The following NOTCH4 variants were observed in gnomAD, a reference collection of about 807,000 sequenced individuals.
NOTCH4 encodes neurogenic locus notch homolog protein 4.
A neutral mutation model predicts 189.0 loss-of-function variants in NOTCH4; 138 were observed. The ratio of observed to expected loss-of-function variants is 0.73; its 90% CI spans 0.64 to 0.84. The LOEUF (loss-of-function observed/expected upper bound fraction) is 0.84, where lower values mean the gene tolerates loss of function less well. NOTCH4 is among the 40% of genes least tolerant of loss of function. NOTCH4 has a pLI of 0.00. For missense variants in NOTCH4, 2,286 were observed against 2,605.4 expected (o/e 0.88, Z 2.67); for synonymous variants, 942 against 1,032.8 (o/e 0.91, Z 1.69).
rs1788283216 is a variant in NOTCH4 at position 32,200,719 on chromosome 6, A to C, written c.4315+112T>G. ...GGGTTAGGGAAAGTAAGTCCCCACAAAGAACATTTTCAGTCTCAGCTGTCC... is the reference window on the plus strand; with the variant it reads ...GGGTTAGGGAAAGTAAGTCCCCACACAGAACATTTTCAGTCTCAGCTGTCC... On this transcript the variant is annotated intron_variant, in intron 23 of 29. Coordinates refer to ENST00000375023, the MANE Select transcript of NOTCH4 (RefSeq NM_004557.4). This position sits in a 1 kb window ranked among gnomAD's most constrained non-coding sequence, Gnocchi z 5.0. The C allele has an allele frequency of 1.1e-6, 1 of 909,828 alleles. No individual in the cohort carries two copies. Among genetic ancestry groups the C allele is most frequent in the African/African-American group, 1.7e-5 (1 of 58,188 alleles). The allele number at this position is 909,828 out of a possible 1,614,324, so 56.4% of individuals were successfully genotyped here. A position where few individuals can be genotyped will look rare whatever the true frequency, so the allele number is the denominator to read the frequency against.
In NOTCH4 at chr6:32,217,419, A is replaced by G. The variant is rs1789485106; in HGVS notation, c.1625-153T>C. ...CGTGGGGTGACAGGAGATGATGCAG[A>G]AAAGGTGAAGCTCAGCCACCTGCCA... On this transcript the variant is annotated intron_variant, in intron 9 of 29. Transcript: ENST00000375023. The surrounding 1 kb of genome is among the most constrained non-coding windows in gnomAD (Gnocchi z 4.2). Among the ~76,000 whole-genome samples the G allele has an allele frequency of 1.3e-5, 2 of 152,172 alleles. No homozygotes were observed. The highest frequency in any genetic ancestry group is 4.8e-5 in the African/African-American group (2 of 41,438).
rs1294535507 is a variant in NOTCH4, at chr6:32,198,735, A to G, written c.4536-5T>C. 6.2e-7 allele frequency: 1 copy of G among 1,608,828 alleles called. No individual in the cohort carries two copies. The highest frequency in any genetic ancestry group is 1.7e-5 in the Admixed American group (1 of 59,394). On this transcript the variant is annotated splice_polypyrimidine_tract_variant and splice_region_variant and intron_variant, in intron 24 of 29. Transcript: ENST00000375023. The surrounding 1 kb of genome is among the most constrained non-coding windows in gnomAD (Gnocchi z 5.5). ...TCTGCCTTTGGCTTCAGTGCCCTGGAAAGGAATGGGTGGGTAGAGGTTACA... is the reference window on the plus strand; with the variant it reads ...TCTGCCTTTGGCTTCAGTGCCCTGGGAAGGAATGGGTGGGTAGAGGTTACA...
chr6:32,209,186 TTTG>T (rs1788866845), intron 18 of NOTCH4, among the ~76,000 whole-genome samples: 1 of 152,206 alleles, frequency 6.6e-6, no homozygotes, highest in African/African-American at 2.4e-5. Flanking sequence ...CACCTTCACC[TTTG>T]TGCCACTGCC....
rs1304701623 is a variant in NOTCH4 at position 32,222,568 on chromosome 6, G to A, written c.394C>T (p.Arg132Cys). 4.4e-6 allele frequency: 7 copies of A among 1,584,528 alleles called. No homozygotes were observed. Among genetic ancestry groups the A allele is most frequent in the African/African-American group, 1.4e-5 (1 of 73,114 alleles). ...CGGCCCGAGGCCTGGATGTGGCAGC[G>A]GCCCCTTTTGGAACAGAAGGAGGGA... ...CPPSFCSKRG[R>C]CHIQASGRPQ... The change falls in exon 3 of 30, where the codon CGC becomes TGC. Residue 132 changes from arginine to cysteine, a missense_variant. Transcript: ENST00000375023.
Position 32,195,247 on chromosome 6 carries a change from A to C in NOTCH4, c.*190T>G, listed in dbSNP as rs1787785447. The C allele has an allele frequency of 1.6e-6, 1 of 611,908 alleles. No homozygotes were observed. The highest frequency in any genetic ancestry group is 2.8e-6 in the Non-Finnish European group (1 of 359,598). The allele number at this position is 611,908 out of a possible 1,614,324, so 37.9% of individuals were successfully genotyped here. A position where few individuals can be genotyped will look rare whatever the true frequency, so the allele number is the denominator to read the frequency against. ...GGGCCTGCCTCATCCTAGCATCTTA[A>C]ACCCTCTTTCCAGAGCTGCAGCTTC... On this transcript the variant is annotated 3_prime_UTR_variant, in exon 30 of 30. Transcript: ENST00000375023. The surrounding 1 kb of genome is among the most constrained non-coding windows in gnomAD (Gnocchi z 5.4).
chr6:32,217,630 A>T lies in NOTCH4; in HGVS notation c.1625-364T>A, dbSNP rs1789495068. 6.6e-6 allele frequency among the ~76,000 whole-genome samples: 1 copy of T among 152,228 alleles called. No individual in the cohort carries two copies. The highest frequency in any genetic ancestry group is 6.5e-5 in the Admixed American group (1 of 15,284). ...GGTGAATAAGTGTAGTTATTATAAT[A>T]GCAGGGGACAGAGGAGTGTCCGGTG... On this transcript the variant is annotated intron_variant, in intron 9 of 29. Coordinates refer to ENST00000375023, the MANE Select transcript of NOTCH4 (RefSeq NM_004557.4). This position sits in a 1 kb window ranked among gnomAD's most constrained non-coding sequence, Gnocchi z 4.2.
At position 32,220,739 on chromosome 6, in the gene NOTCH4, T is replaced by C. The variant is rs537887056; in HGVS notation, c.922+17A>G. The C allele has an allele frequency of 5.6e-6, 9 of 1,613,720 alleles. No individual in the cohort carries two copies. The East Asian group carries it at 2.0e-4, about 36-fold the overall frequency. On this transcript the variant is annotated intron_variant, in intron 5 of 29. Coordinates refer to ENST00000375023, the MANE Select transcript of NOTCH4 (RefSeq NM_004557.4). ...CTCTGGGCCATGGGTGTCATGGATG[T>C]GGCTTAAACAACTCACCTGTCCAGG...
chr6:32,214,420 G>A (rs893517587), intron 12 of NOTCH4, among the ~76,000 whole-genome samples, 165 bp from the exon 13 acceptor site: 1 of 146,820 alleles, frequency 6.8e-6, no homozygotes, highest in Non-Finnish European at 1.5e-5. Context: ...CCCAACACCT[G>A]CTCATTTTCT....
rs1789692468 is a variant in NOTCH4, at chr6:32,220,572, G to C, written c.992C>G (p.Thr331Ser). 1.9e-6 allele frequency: 3 copies of C among 1,613,950 alleles called. No homozygotes were observed. The highest frequency in any genetic ancestry group is 2.5e-6 in the Non-Finnish European group (3 of 1,180,018). Residue 331 changes from threonine (T) to serine (S), a missense_variant, in exon 6 of 30, where the codon ACC (threonine) becomes AGC (serine). This residue lies in a region of NOTCH4 where 1,903 missense variants were observed against 2,261.9 expected (regional missense o/e 0.84). Transcript: ENST00000375023. ...AAAGCTACCAGCAGAGTTCTGGCAG[G>C]TGCCCCCGTTTCTGCAGTGAGGGGG... ...QGPPHCRNGG[T>S]CQNSAGSFHC...
In NOTCH4 at chr6:32,204,303, A is replaced by G; in HGVS notation, c.2952T>C (p.Thr984=). The part of the protein sequence containing the change: ...SQPCHNHGTC[T]PKPGGFHCAC... ...CACAGTGGAATCCTCCAGGTTTGGG[A>G]GTACAGGTTCCATGGTTGTGACAGG... Residue 984 remains threonine, a synonymous_variant, in exon 19 of 30, where the codon ACT becomes ACC. Transcript: ENST00000375023. The G allele has an allele frequency of 6.2e-7, 1 of 1,612,994 alleles. No homozygotes were observed. The highest frequency in any genetic ancestry group is 8.5e-7 in the Non-Finnish European group (1 of 1,179,972).
chr6:32,218,077 G>T lies in NOTCH4; in HGVS notation c.1542C>A (p.Thr514=). ...GGCAGGGAGCTGAGGCACACTCGTT[G>T]GTCTCCACCTCACAGAGCTGCCCTT... The part of the protein sequence containing the change: ...GLEGQLCEVE[T]NECASAPCLN... Residue 514 remains threonine, a synonymous_variant, in exon 9 of 30, where the codon ACC becomes ACA. Transcript: ENST00000375023. 3 of 1,613,532 alleles carry T rather than the reference G, an allele frequency of 1.9e-6. No homozygotes were observed. The highest frequency in any genetic ancestry group is 1.1e-5 in the South Asian group (1 of 90,980).
intron 17 of NOTCH4, among the ~76,000 whole-genome samples, 180 bp from the exon 18 acceptor site, chr6:32,211,116 C>G (rs559512154): frequency 6.6e-6 from 1 of 151,766 alleles, no homozygotes; most frequent in South Asian, 2.1e-4. Context: ...AAAAATTGGT[C>G]GGGCGTTGTG....
rs1458148095 is a variant in NOTCH4, at chr6:32,204,450, G to A, written c.2866-61C>T. On this transcript the variant is annotated intron_variant, in intron 18 of 29. Transcript: ENST00000375023. ...ATGAGCCCAACCCAGCACTACAAGG[G>A]ACCCAGCTCAAGATAGTCTGTCCAG... 1.9e-6 allele frequency: 3 copies of A among 1,576,516 alleles called. No individual in the cohort carries two copies. The African/African-American group carries it at 4.0e-5, about 21-fold the overall frequency.
chr6:32,198,906 G>A lies in NOTCH4; in HGVS notation c.4535+20C>T, dbSNP rs777973090. On this transcript the variant is annotated intron_variant, in intron 24 of 29. Coordinates refer to ENST00000375023, the MANE Select transcript of NOTCH4 (RefSeq NM_004557.4). The surrounding 1 kb of genome is among the most constrained non-coding windows in gnomAD (Gnocchi z 5.5). ...AGGAGAGACTCCCCTTCCTGAGCCT[G>A]GGTTTCTCCTCATTCTCACTTGAGA... is the stretch of plus-strand genomic sequence containing the variant. 1.3e-6 allele frequency: 2 copies of A among 1,532,870 alleles called. No homozygotes were observed. Among genetic ancestry groups the A allele is most frequent in the Non-Finnish European group, 1.8e-6 (2 of 1,139,794 alleles). 95.0% of individuals were successfully genotyped at this position (1,532,870 alleles called of 1,614,324 possible). A position where few individuals can be genotyped will look rare whatever the true frequency, so the allele number is the denominator to read the frequency against.
chr6:32,222,648 C>T lies in NOTCH4; in HGVS notation c.314G>A (p.Cys105Tyr), dbSNP rs1789856556. The T allele has an allele frequency of 1.9e-6, 3 of 1,606,828 alleles. No homozygotes were observed. The highest frequency in any genetic ancestry group is 2.5e-6 in the Non-Finnish European group (3 of 1,177,724). Residue 105 changes from cysteine (C) to tyrosine (Y), a missense_variant, in exon 3 of 30, where the codon TGC becomes TAC. By Grantham distance (194) the Cys-to-Tyr change is radical. Around this residue, in one of 2 missense-constraint regions of NOTCH4, gnomAD observed 1,903 missense variants for 2,261.9 expected, o/e 0.84. Coordinates refer to ENST00000375023, the MANE Select transcript of NOTCH4 (RefSeq NM_004557.4). Reference protein sequence around the residue: ...SPLTPSFLCTCLPGFTGERCQ... With the variant: ...SPLTPSFLCTYLPGFTGERCQ... ...TCTCTCACCAGTGAAGCCAGGGAGG[C>T]AAGTGCACAAGAAGCTGGGTGTCAA...
At position 32,220,959 on chromosome 6, in the gene NOTCH4, A is replaced by G. The variant is rs2127488651; in HGVS notation, c.799+19T>C. 2 of 1,593,068 alleles carry G rather than the reference A, an allele frequency of 1.3e-6. No individual in the cohort carries two copies. The highest frequency in any genetic ancestry group is 1.1e-5 in the South Asian group (1 of 88,270). On this transcript the variant is annotated intron_variant, in intron 4 of 29. Transcript: ENST00000375023. ...TGCCCAGAGAGAGGGGCGGCCGGAGAGCCCCTGTGAGGACACACCTGGGGG... is the reference window on the plus strand; with the variant it reads ...TGCCCAGAGAGAGGGGCGGCCGGAGGGCCCCTGTGAGGACACACCTGGGGG...
Position 32,213,232 on chromosome 6 carries a change from T to TA in NOTCH4, c.2340dup (p.Thr781TyrfsTer23). On this transcript the variant is annotated frameshift_variant, in exon 15 of 30. Transcript: ENST00000375023. LOFTEE classifies it high-confidence loss of function. Reference sequence around the variant, plus strand: ...AAGGTGCCAGGCCTGTTCACACAGGTACCCCCATTGAAGCACGGGGCTGGA... The same window carrying TA: ...AAGGTGCCAGGCCTGTTCACACAGGTAACCCCCATTGAAGCACGGGGCTGGA... 3 of 1,613,692 alleles carry TA rather than the reference T, an allele frequency of 1.9e-6. No individual in the cohort carries two copies. Among genetic ancestry groups the TA allele is most frequent in the Non-Finnish European group, 2.5e-6 (3 of 1,179,718 alleles).
At chr6:32,219,880 G>A (rs1789640899) in intron 7 of NOTCH4, 94 bp from the exon 8 acceptor site, 3 of 1,105,130 alleles carry the variant, frequency 2.7e-6, no homozygotes, top group Non-Finnish European at 2.6e-6. Flanking sequence ...CCTGCGTGTG[G>A]CAGACGAGAC....
intron 8 of NOTCH4, 69 bp from the exon 9 acceptor site, chr6:32,218,177 C>T (rs1298201972): frequency 1.1e-5 from 11 of 1,030,072 alleles, no homozygotes; most frequent in South Asian, 4.1e-5. Flanking sequence ...GTTCTAGAAT[C>T]GGCCCTGCTC....
Sources: gnomAD v4.1 joint callset for allele counts (sites outside exome capture counted in the v4.1 genomes callset) on GRCh38, gnomAD v4.1.1 for gene constraint, gnomAD v4.1.1 regional missense constraint, Gnocchi (gnomAD v3.1) non-coding constraint, MANE v1.5 for transcripts, NCBI Gene and HGNC (gene_info 2026-07-23, HGNC 2026-07-21) for gene names.